Variants in LRRIQ1 observed in about 807,000 individuals in gnomAD.
LRRIQ1 encodes leucine-rich repeat- and IQ domain-containing protein 1.
LRRIQ1 carries 210 observed loss-of-function variants against 211.9 expected under a neutral mutation model. The ratio of observed to expected loss-of-function variants is 0.99; its 90% CI spans 0.89 to 1.11. LRRIQ1 has a LOEUF of 1.11. Ranked by LOEUF, LRRIQ1 falls within the 50% of genes most tolerant of loss-of-function variation. The pLI is 0.00. For missense variants in LRRIQ1, 2,136 were observed against 1,939.5 expected (o/e 1.10, Z -1.90); for synonymous variants, 699 against 650.1 (o/e 1.08, Z -1.14).
chr12:85,079,244 C>CTTT lies in LRRIQ1; in HGVS notation c.2887+6167_2887+6169dup, dbSNP rs3058476. ...TAGTGTTCACATGATGTATCTTTAT[C>CTTT]TTTTTTTTTTTTTTTTTTTTTTTGA... On this transcript the variant is annotated intron_variant, in intron 11 of 26. Coordinates refer to ENST00000393217, the MANE Select transcript of LRRIQ1 (RefSeq NM_001079910.2). Among the ~76,000 whole-genome samples, 731 of 103,540 alleles carry CTTT rather than the reference C, an allele frequency of 7.1e-3. 17 individuals are homozygous for CTTT. The highest frequency in any genetic ancestry group is 0.022 in the African/African-American group (535 of 24,658). 67.9% of individuals were successfully genotyped at this position (103,540 alleles called of 152,430 possible).
chr12:85,191,854 A>G (rs1406115955), intron 24 of LRRIQ1, among the ~76,000 whole-genome samples: 1 of 151,898 alleles, frequency 6.6e-6, no homozygotes, highest in Non-Finnish European at 1.5e-5. Context: ...TTATTTTACA[A>G]TTCCTTAATG....
chr12:85,121,406 C>G (rs1592835238), intron 15 of LRRIQ1, among the ~76,000 whole-genome samples: 1 of 152,074 alleles, frequency 6.6e-6, no homozygotes, highest in African/African-American at 2.4e-5. Context: ...TCTTTTTACA[C>G]TCCAAATTCC....
At chr12:85,132,319 T>G (rs1888823523) in intron 18 of LRRIQ1, among the ~76,000 whole-genome samples, 5 of 152,118 alleles carry the variant, frequency 3.3e-5, no homozygotes, top group Admixed American at 3.3e-4. Flanking sequence ...AGAGCATGTT[T>G]CCCTGATTCT....
At chr12:85,216,020 C>A (rs1202335423) in intron 24 of LRRIQ1, among the ~76,000 whole-genome samples, 1 of 152,036 alleles carries the variant, frequency 6.6e-6, no homozygotes, top group African/African-American at 2.4e-5. Context: ...GAAGCAAGAC[C>A]TTTTCTTTAT....
At chr12:85,227,249 G>A (rs956786991) in intron 24 of LRRIQ1, among the ~76,000 whole-genome samples, 5 of 152,112 alleles carry the variant, frequency 3.3e-5, no homozygotes, top group African/African-American at 1.2e-4. Flanking sequence ...GGTGTGAGAT[G>A]GTATCTCATT....
rs78367738 is a variant in LRRIQ1 at position 85,225,663 on chromosome 12, C to A, written c.4823-3854C>A. On this transcript the variant is annotated intron_variant, in intron 24 of 26. Coordinates refer to ENST00000393217, the MANE Select transcript of LRRIQ1 (RefSeq NM_001079910.2). ...ATATAGGGAATTGATGATGCAAGAC[C>A]CATAGAAGTAGCAAGGAATTGTGGA... is the stretch of plus-strand genomic sequence containing the variant. Among the ~76,000 whole-genome samples, 1,295 of 152,146 alleles carry A rather than the reference C, an allele frequency of 8.5e-3. 13 individuals carry two copies. Among genetic ancestry groups the A allele is most frequent in the Non-Finnish European group, 0.011 (725 of 67,988 alleles).
intron 24 of LRRIQ1, among the ~76,000 whole-genome samples, chr12:85,203,815 A>T (rs975624049): frequency 6.6e-6 from 1 of 152,120 alleles, no homozygotes; most frequent in African/African-American, 2.4e-5. Flanking sequence ...GCATAAAAGT[A>T]TGAGGAATTT....
chr12:85,095,156 T>A (rs1885761154), intron 11 of LRRIQ1, among the ~76,000 whole-genome samples: 1 of 152,158 alleles, frequency 6.6e-6, no homozygotes, highest in Non-Finnish European at 1.5e-5. Flanking sequence ...CTGTGTTGAA[T>A]AGGAGTGGTG....
At chr12:85,216,843 C>G (rs1425219559) in intron 24 of LRRIQ1, among the ~76,000 whole-genome samples, 1 of 151,720 alleles carries the variant, frequency 6.6e-6, no homozygotes, top group Non-Finnish European at 1.5e-5. Flanking sequence ...AAATAAAAGT[C>G]AGTCTTTCTA....
chr12:85,207,956 T>C (rs1893643632), intron 24 of LRRIQ1, among the ~76,000 whole-genome samples: 3 of 152,050 alleles, frequency 2.0e-5, no homozygotes, highest in Non-Finnish European at 4.4e-5. Context: ...TCTTAAATAA[T>C]GCTTAAATTG....
intron 21 of LRRIQ1, 64 bp downstream of exon 21, chr12:85,153,209 A>C: frequency 7.3e-7 from 1 of 1,362,988 alleles, no homozygotes; most frequent in South Asian, 1.4e-5. Flanking sequence ...ATATCATACA[A>C]AAGTAGTACA....
intron 11 of LRRIQ1, among the ~76,000 whole-genome samples, chr12:85,089,543 T>G (rs1286769807): frequency 6.6e-6 from 1 of 152,178 alleles, no homozygotes; most frequent in African/African-American, 2.4e-5. Context: ...TTGGCAAGAT[T>G]ATGTGTGTTA....
Position 85,207,693 on chromosome 12 carries a change from A to G in LRRIQ1, c.4823-21824A>G, listed in dbSNP as rs112696797. On this transcript the variant is annotated intron_variant, in intron 24 of 26. Transcript: ENST00000393217. ...GGTCTATGATTCATTTTGAGGTACT[A>G]TTTTGAAGGGTGTGAGATCTGGGTT... is the stretch of plus-strand genomic sequence containing the variant. 5.4e-3 allele frequency among the ~76,000 whole-genome samples: 823 copies of G among 152,200 alleles called. 4 individuals are homozygous for G. The highest frequency in any genetic ancestry group is 7.6e-3 in the Non-Finnish European group (514 of 67,990).
chr12:85,175,641 C>G (rs947383667), intron 24 of LRRIQ1, among the ~76,000 whole-genome samples: 10 of 152,060 alleles, frequency 6.6e-5, no homozygotes, highest in Admixed American at 3.3e-4. Flanking sequence ...GGTTTTAGGT[C>G]TAATGTTTAA....
chr12:85,138,354 C>A (rs181351566), intron 19 of LRRIQ1, among the ~76,000 whole-genome samples: 4 of 151,630 alleles, frequency 2.6e-5, no homozygotes, highest in Non-Finnish European at 4.4e-5. Flanking sequence ...TTTCCTTAGT[C>A]TCCTTTAAAC....
intron 19 of LRRIQ1, among the ~76,000 whole-genome samples, chr12:85,140,243 A>G (rs1889434820): frequency 6.6e-6 from 1 of 151,316 alleles, no homozygotes; most frequent in Non-Finnish European, 1.5e-5. Flanking sequence ...ATACTATTTC[A>G]TAATGACTTG....
At chr12:85,082,015 G>C (rs944159515) in intron 11 of LRRIQ1, among the ~76,000 whole-genome samples, 2 of 151,998 alleles carry the variant, frequency 1.3e-5, no homozygotes, top group Non-Finnish European at 2.9e-5. Context: ...GAGCCACTGT[G>C]CAGGGCCTCT....
At chr12:85,129,887 C>T (rs956440714) in intron 18 of LRRIQ1, among the ~76,000 whole-genome samples, 3 of 152,126 alleles carry the variant, frequency 2.0e-5, no homozygotes, top group Admixed American at 6.6e-5. Context: ...CATCCTATTA[C>T]AGTAAACCAG....
intron 11 of LRRIQ1, among the ~76,000 whole-genome samples, chr12:85,088,779 C>G (rs359986): frequency 0.016 from 2,496 of 152,180 alleles, 68 homozygotes; most frequent in African/African-American, 0.058. Context: ...GTGATTTTTG[C>G]ACATTGATTT....
Sources: gnomAD v4.1 joint callset for allele counts (sites outside exome capture counted in the v4.1 genomes callset) on GRCh38, gnomAD v4.1.1 for gene constraint, MANE v1.5 for transcripts, NCBI Gene and HGNC (gene_info 2026-07-23, HGNC 2026-07-21) for gene names.